Variants in CYP27B1 observed in about 807,000 individuals in gnomAD.
CYP27B1 encodes the protein 25-hydroxyvitamin D-1 alpha hydroxylase, mitochondrial.
A neutral mutation model predicts 54.8 loss-of-function variants in CYP27B1; 46 were observed. That is an observed-to-expected ratio of 0.84 (90% CI 0.66 to 1.07). The LOEUF (loss-of-function observed/expected upper bound fraction) is 1.07, where lower values mean the gene tolerates loss of function less well. CYP27B1 is among the 50% of genes least tolerant of loss of function. The pLI is 0.00. For synonymous variants in CYP27B1, 292 were observed against 297.3 expected, an observed-to-expected ratio of 0.98 and a Z score of 0.18; for missense variants, 674 against 692.2, an observed-to-expected ratio of 0.97 and a Z score of 0.30.
chr12:57,764,503 G>A lies in CYP27B1; in HGVS notation c.1011C>T (p.Pro337=), dbSNP rs749017261. The A allele has an allele frequency of 6.2e-7, 1 of 1,614,174 alleles. No individual in the cohort carries two copies. Among genetic ancestry groups the A allele is most frequent in the South Asian group, 1.1e-5 (1 of 91,088 alleles). Reference sequence around the variant, plus strand: ...CTGAGTGGAGTGCTGTCTGGACTTCGGGGTGCCGGGAGAGCTCATACAGAG... The same window carrying A: ...CTGAGTGGAGTGCTGTCTGGACTTCAGGGTGCCGGGAGAGCTCATACAGAG... ...SWALYELSRH[P]EVQTALHSEI... is the part of the protein sequence containing the mutation. The change falls in exon 6 of 9, where the codon CCC becomes CCT. Residue 337 remains proline (P), a synonymous_variant. Coordinates refer to ENST00000228606, the MANE Select transcript of CYP27B1 (RefSeq NM_000785.4).
intron 1 of CYP27B1, chr12:57,766,640 C>T (rs1181344233): frequency 1.1e-5 from 7 of 632,336 alleles, no homozygotes; most frequent in Admixed American, 2.9e-5. Context: ...CGAGAAGGCG[C>T]TTTCGCAGCG....
In CYP27B1 at chr12:57,763,999, G is replaced by A. The variant is rs1595117543; in HGVS notation, c.1215+99C>T. On this transcript the variant is annotated intron_variant, in intron 7 of 8. Transcript: ENST00000228606. ...GCATATCCTAGAGAGGGGTCAAGGG[G>A]AGTGTTTGAAGGGCTTTTAGGAGAG... 19 of 1,132,526 alleles carry A rather than the reference G, an allele frequency of 1.7e-5. No individual in the cohort carries two copies. The East Asian group carries it at 3.5e-4, about 21-fold the overall frequency. The allele number at this position is 1,132,526 out of a possible 1,614,324, so 70.2% of individuals were successfully genotyped here.
rs142446425 is a variant in CYP27B1 at position 57,764,444 on chromosome 12, G to C, written c.1070C>G (p.Ala357Gly). The C allele has an allele frequency of 2.2e-5, 36 of 1,614,212 alleles. No individual in the cohort carries two copies. In the African/African-American group the frequency reaches 4.7e-4, roughly 21 times the overall value. The change falls in exon 6 of 9, where the codon GCC (alanine) becomes GGC (glycine). Residue 357 changes from alanine (A) to glycine (G), a missense_variant. Transcript: ENST00000228606. ...ITAALSPGSS[A>G]YPSATVLSQL... ...GGACAGAACAGTGGCTGAGGGGTAG[G>C]CACTGGAGCCAGGGCTCAGGGCAGC...
chr12:57,763,428 G>A (rs1052271531), intron 8 of CYP27B1, among the ~76,000 whole-genome samples, 173 bp from the exon 9 acceptor site: 1 of 152,158 alleles, frequency 6.6e-6, no homozygotes, highest in African/African-American at 2.4e-5. Flanking sequence ...GATTATGGTA[G>A]GGAAAAAATA....
At position 57,765,070 on chromosome 12, in the gene CYP27B1, T is replaced by A. The variant is rs780269626; in HGVS notation, c.731A>T (p.His244Leu). The A allele has an allele frequency of 1.4e-5, 23 of 1,613,490 alleles. No homozygotes were observed. In the South Asian group the frequency reaches 2.2e-4, roughly 15 times the overall value. The change falls in exon 4 of 9, where the codon CAC (histidine) becomes CTC (leucine). Residue 244 changes from histidine to leucine, a missense_variant. Transcript: ENST00000228606. This position sits in a 1 kb window ranked among gnomAD's most constrained non-coding sequence, Gnocchi z 5.8. ...LTMAMPHWLR[H>L]LVPGPWGRLC... Reference sequence around the variant, plus strand: ...GCGGCCCCAGGGCCCAGGCACAAGGTGGCGCAGCCAGTGGGGCATCGCCAT... The same window carrying A: ...GCGGCCCCAGGGCCCAGGCACAAGGAGGCGCAGCCAGTGGGGCATCGCCAT...
At chr12:57,766,825 C>T (rs1955365916) in intron 1 of CYP27B1, 22 bp downstream of exon 1, 2 of 1,612,792 alleles carry the variant, frequency 1.2e-6, no homozygotes, top group African/African-American at 2.7e-5. Flanking sequence ...CACTCTGTCT[C>T]GGGAAAGGCG....
At position 57,763,217 on chromosome 12, in the gene CYP27B1, C is replaced by T. The variant is rs8176349; in HGVS notation, c.1452G>A (p.Ala484=). The change falls in exon 9 of 9, where the codon GCG becomes GCA. Residue 484 remains alanine (A), a synonymous_variant. Coordinates refer to ENST00000228606, the MANE Select transcript of CYP27B1 (RefSeq NM_000785.4). ...THFEVQPEPG[A]APVRPKTRTV... is the part of the protein sequence containing the mutation. ...TCCGGGTCTTGGGTCTAACTGGGGC[C>T]GCACCTGGCTCAGGCTGCACCTCAA... 289 of 1,614,080 alleles carry T rather than the reference C, an allele frequency of 1.8e-4. 2 individuals are homozygous for T. The African/African-American group carries it at 2.7e-3, about 15-fold the overall frequency.
rs769953744 is a variant in CYP27B1, at chr12:57,765,150, G to T, written c.651C>A (p.Asp217Glu). ...CCACAGCGCGGATGAAGGTCTCCGTGTCGGGTGGCACTTGAGCCTCCAGGC... is the reference window on the plus strand; with the variant it reads ...CCACAGCGCGGATGAAGGTCTCCGTTTCGGGTGGCACTTGAGCCTCCAGGC... ...LGCLEAQVPP[D>E]TETFIRAVGS... is the part of the protein sequence containing the mutation. The change falls in exon 4 of 9, where the codon GAC (aspartate) becomes GAA (glutamate). Residue 217 changes from aspartate to glutamate, a missense_variant. Transcript: ENST00000228606. This position sits in a 1 kb window ranked among gnomAD's most constrained non-coding sequence, Gnocchi z 5.8. 4 of 1,613,838 alleles carry T rather than the reference G, an allele frequency of 2.5e-6. No individual in the cohort carries two copies. Among genetic ancestry groups the T allele is most frequent in the Non-Finnish European group, 3.4e-6 (4 of 1,179,972 alleles).
chr12:57,764,209 G>T, intron 6 of CYP27B1, 33 bp from the exon 7 acceptor site: 1 of 1,587,582 alleles, frequency 6.3e-7, no homozygotes, highest in African/African-American at 1.3e-5. Flanking sequence ...GAGACAACAA[G>T]ATGAGGCTAG....
Position 57,765,807 on chromosome 12 carries a change from G to C in CYP27B1, c.386+200C>G. ...AGTTCCCAGGATTCGGGCCTCAAAG[G>C]ATAAGGAGGTAGGCGGGGAGTGAGG... On this transcript the variant is annotated intron_variant, in intron 2 of 8. Coordinates refer to ENST00000228606, the MANE Select transcript of CYP27B1 (RefSeq NM_000785.4). The surrounding 1 kb of genome is among the most constrained non-coding windows in gnomAD (Gnocchi z 5.8). The C allele has an allele frequency of 1.8e-6, 2 of 1,090,242 alleles. No homozygotes were observed. The highest frequency in any genetic ancestry group is 2.6e-6 in the Non-Finnish European group (2 of 781,958). The allele number at this position is 1,090,242 out of a possible 1,614,324, so 67.5% of individuals were successfully genotyped here. A position where few individuals can be genotyped will look rare whatever the true frequency, so the allele number is the denominator to read the frequency against.
rs1272118680 is a variant in CYP27B1 at position 57,764,121 on chromosome 12, C to T, written c.1192G>A (p.Gly398Ser). 1.2e-6 allele frequency: 2 copies of T among 1,613,726 alleles called. No individual in the cohort carries two copies. The highest frequency in any genetic ancestry group is 1.7e-6 in the Non-Finnish European group (2 of 1,179,666). ...SRVPDKDIHV[G>S]DYIIPKNTLV... is the part of the protein sequence containing the mutation. ...ACATTTTTGGGGATAATATAGTCACCCACATGAATGTCTTTGTCTGGGACA... is the reference window on the plus strand; with the variant it reads ...ACATTTTTGGGGATAATATAGTCACTCACATGAATGTCTTTGTCTGGGACA... Residue 398 changes from glycine (G) to serine (S), a missense_variant, in exon 7 of 9, where the codon GGT becomes AGT. Coordinates refer to ENST00000228606, the MANE Select transcript of CYP27B1 (RefSeq NM_000785.4).
In CYP27B1 at chr12:57,765,469, A is replaced by G. The variant is rs775865565; in HGVS notation, c.417T>C (p.Ser139=). ...AEGEEWQRLR[S]LLAPLLLRPQ... ...GCCGGAGGAGGAGCGGGGCCAGGAGACTGCGGAGCCTTTGCCATTCTTCGC... is the reference window on the plus strand; with the variant it reads ...GCCGGAGGAGGAGCGGGGCCAGGAGGCTGCGGAGCCTTTGCCATTCTTCGC... The change falls in exon 3 of 9, where the codon AGT becomes AGC. Residue 139 remains serine (S), a synonymous_variant. Coordinates refer to ENST00000228606, the MANE Select transcript of CYP27B1 (RefSeq NM_000785.4). The surrounding 1 kb of genome is among the most constrained non-coding windows in gnomAD (Gnocchi z 5.8). The G allele has an allele frequency of 6.2e-7, 1 of 1,612,286 alleles. No homozygotes were observed. The highest frequency in any genetic ancestry group is 1.1e-5 in the South Asian group (1 of 90,590).
chr12:57,766,704 A>G (rs1242976622), intron 1 of CYP27B1, 143 bp downstream of exon 1: 2 of 919,028 alleles, frequency 2.2e-6, no homozygotes, highest in Non-Finnish European at 1.7e-6. Flanking sequence ...CACCGCCCCC[A>G]GCCTCAACTC....
At chr12:57,766,404 G>C in intron 1 of CYP27B1, 1 of 635,820 alleles carries the variant, frequency 1.6e-6, no homozygotes, top group Non-Finnish European at 2.6e-6. Context: ...GGGCAAAACC[G>C]GAACTTTGTG....
At chr12:57,763,285 T>A in intron 8 of CYP27B1, 30 bp from the exon 9 acceptor site, 1 of 1,501,012 alleles carries the variant, frequency 6.7e-7, no homozygotes, top group Non-Finnish European at 9.3e-7. Flanking sequence ...AGCATTACTA[T>A]GAAAGATATC....
chr12:57,766,203 G>A lies in CYP27B1; in HGVS notation c.196-6C>T, dbSNP rs766031177. Reference sequence around the variant, plus strand: ...AAGTGCGCGGCGCCCTGCACCTGGGGGAGCGGACACAGCGGACACTTGGAT... The same window carrying A: ...AAGTGCGCGGCGCCCTGCACCTGGGAGAGCGGACACAGCGGACACTTGGAT... On this transcript the variant is annotated splice_region_variant and splice_polypyrimidine_tract_variant and intron_variant, in intron 1 of 8. Coordinates refer to ENST00000228606, the MANE Select transcript of CYP27B1 (RefSeq NM_000785.4). 3.9e-6 allele frequency: 6 copies of A among 1,532,200 alleles called. No homozygotes were observed. The highest frequency in any genetic ancestry group is 5.0e-5 in the East Asian group (2 of 40,250). The allele number at this position is 1,532,200 out of a possible 1,614,324, so 94.9% of individuals were successfully genotyped here.
chr12:57,765,386 C>A lies in CYP27B1; in HGVS notation c.500G>T (p.Arg167Leu). 6.2e-7 allele frequency: 1 copy of A among 1,613,246 alleles called. No homozygotes were observed. Among genetic ancestry groups the A allele is most frequent in the Non-Finnish European group, 8.5e-7 (1 of 1,179,690 alleles). ...ACGTCCCCGCTGGCGCCTCAGACGC[C>A]GCACAAGGTCGCAGACTACGTTGTT... Reference protein sequence around the residue: ...TLNNVVCDLVRRLRRQRGRGT... With the variant: ...TLNNVVCDLVLRLRRQRGRGT... Residue 167 changes from arginine (R) to leucine (L), a missense_variant, in exon 3 of 9, where the codon CGG (arginine) becomes CTG (leucine). By Grantham distance (102) the Arg-to-Leu change is moderately radical. Transcript: ENST00000228606. The surrounding 1 kb of genome is among the most constrained non-coding windows in gnomAD (Gnocchi z 5.8).
Position 57,763,130 on chromosome 12 carries a change from C to G in CYP27B1, c.*12G>C. ...AATGAAAGGGTGATGATGACAGTCT[C>G]TTTCCATGGGACTATCTGTCCAAAA... is the stretch of plus-strand genomic sequence containing the variant. On this transcript the variant is annotated 3_prime_UTR_variant, in exon 9 of 9. Transcript: ENST00000228606. 2 of 1,577,858 alleles carry G rather than the reference C, an allele frequency of 1.3e-6. No individual in the cohort carries two copies. The highest frequency in any genetic ancestry group is 2.2e-5 in the East Asian group (1 of 44,726).
Position 57,764,102 on chromosome 12 carries a change from T to C in CYP27B1, c.1211A>G (p.Lys404Arg), listed in dbSNP as rs765139748. 1 of 1,611,288 alleles carries C rather than the reference T, an allele frequency of 6.2e-7. No homozygotes were observed. The highest frequency in any genetic ancestry group is 2.2e-5 in the East Asian group (1 of 44,854). Residue 404 changes from lysine (K) to arginine (R), a missense_variant, in exon 7 of 9, where the codon AAA (lysine) becomes AGA (arginine). By Grantham distance (26) the Lys-to-Arg change is conservative. Transcript: ENST00000228606. ...GGGTGCATAGGCTTTACTCACATTT[T>C]TGGGGATAATATAGTCACCCACATG... Reference protein sequence around the residue: ...DIHVGDYIIPKNTLVTLCHYA... With the variant: ...DIHVGDYIIPRNTLVTLCHYA...
Sources: allele counts gnomAD v4.1 joint callset (sites outside exome capture counted in the v4.1 genomes callset), GRCh38; gene constraint gnomAD v4.1.1; non-coding constraint Gnocchi (gnomAD v3.1); transcripts MANE v1.5; gene names NCBI Gene and HGNC (gene_info 2026-07-23, HGNC 2026-07-21).